Variants in PLXDC1 observed in about 807,000 individuals in gnomAD.
PLXDC1 encodes the protein plexin domain containing 1, also known as plexin domain-containing protein 1.
Under a neutral mutation model 61.3 loss-of-function variants are expected in PLXDC1, and 39 were observed. The observed-to-expected ratio is 0.64, with a 90% confidence interval of 0.49 to 0.83. The LOEUF (loss-of-function observed/expected upper bound fraction) is 0.83, where lower values mean the gene tolerates loss of function less well. Ranked by LOEUF, PLXDC1 falls within the 40% of genes least tolerant of loss-of-function variation. PLXDC1 has a pLI of 0.00. For synonymous variants in PLXDC1, 212 were observed against 254.5 expected, an observed-to-expected ratio of 0.83 and a Z score of 1.59; for missense variants, 596 against 666.5, an observed-to-expected ratio of 0.89 and a Z score of 1.17.
chr17:39,139,484 G>C (rs1259003674), intron 2 of PLXDC1, among the ~76,000 whole-genome samples, 170 bp downstream of exon 2: 1 of 152,176 alleles, frequency 6.6e-6, no homozygotes, highest in African/African-American at 2.4e-5. Context: ...TTATGACCCA[G>C]TCTGGGCCCT....
rs1163296230 is a variant in PLXDC1, at chr17:39,083,543, G to A, written c.908-3C>T. The A allele has an allele frequency of 6.2e-7, 1 of 1,609,766 alleles. No individual in the cohort carries two copies. Among genetic ancestry groups the A allele is most frequent in the Non-Finnish European group, 8.5e-7 (1 of 1,177,974 alleles). On this transcript the variant is annotated splice_polypyrimidine_tract_variant and splice_region_variant and intron_variant, in intron 8 of 13. Coordinates refer to ENST00000315392, the MANE Select transcript of PLXDC1 (RefSeq NM_020405.5). ...ACAGCTCCTATGCTGCAGGCAGGCT[G>A]CAAGAGAGAAGGCAGTGGCCGCTCA... is the stretch of plus-strand genomic sequence containing the variant.
chr17:39,086,880 A>G (rs1390299138), intron 8 of PLXDC1, among the ~76,000 whole-genome samples: 2 of 144,938 alleles, frequency 1.4e-5, no homozygotes, highest in African/African-American at 5.0e-5. Context: ...AAAAAAAAAA[A>G]GAAGAAGAAA....
In PLXDC1 at chr17:39,139,838, A is replaced by C. The variant is rs1001180152; in HGVS notation, c.77-6T>G. ...GCCTGGGCCCTCATCGTGACCTGGG[A>C]GAAGGGGACAGAAACCTGAGTGCCA... On this transcript the variant is annotated splice_polypyrimidine_tract_variant and splice_region_variant and intron_variant, in intron 1 of 13. Transcript: ENST00000315392. 2.5e-6 allele frequency: 4 copies of C among 1,591,948 alleles called. No individual in the cohort carries two copies. The highest frequency in any genetic ancestry group is 3.4e-6 in the Non-Finnish European group (4 of 1,166,532).
intron 2 of PLXDC1, among the ~76,000 whole-genome samples, chr17:39,128,113 A>ATATATATATATATATATATATATATATG (rs1597655710): frequency 1.0e-5 from 1 of 95,720 alleles, no homozygotes; most frequent in Non-Finnish European, 2.1e-5. Flanking sequence ...ATATATATAT[A>ATATATATATATATATATATATATATATG]TGTATATATA....
Position 39,063,476 on chromosome 17 carries a change from G to C in PLXDC1, c.*4364C>G. On this transcript the variant is annotated 3_prime_UTR_variant, in exon 14 of 14. Transcript: ENST00000315392. Reference sequence around the variant, plus strand: ...TTGAGGAAAGCACCTCTGATGAGCAGATAGCTGGAGGCTGTTCCCACAGTC... The same window carrying C: ...TTGAGGAAAGCACCTCTGATGAGCACATAGCTGGAGGCTGTTCCCACAGTC... 1 of 703,020 alleles carries C rather than the reference G, an allele frequency of 1.4e-6. No individual in the cohort carries two copies. The highest frequency in any genetic ancestry group is 2.6e-6 in the Non-Finnish European group (1 of 385,014). The allele number at this position is 703,020 out of a possible 1,614,324, so 43.5% of individuals were successfully genotyped here.
At position 39,151,237 on chromosome 17, in the gene PLXDC1, G is replaced by A. The variant is rs1038727801; in HGVS notation, c.76+125C>T. Reference sequence around the variant, plus strand: ...CCTGCCCACAGCCCACAGCTCTCCTGGCCTCCTGCGGACAATGCCCCCCTC... The same window carrying A: ...CCTGCCCACAGCCCACAGCTCTCCTAGCCTCCTGCGGACAATGCCCCCCTC... On this transcript the variant is annotated intron_variant, in intron 1 of 13. Transcript: ENST00000315392. The surrounding 1 kb of genome is among the most constrained non-coding windows in gnomAD (Gnocchi z 5.2). 3.5e-5 allele frequency: 23 copies of A among 665,804 alleles called. No individual in the cohort carries two copies. The African/African-American group carries it at 4.3e-4, about 12-fold the overall frequency. The allele number at this position is 665,804 out of a possible 1,614,324, so 41.2% of individuals were successfully genotyped here. A position where few individuals can be genotyped will look rare whatever the true frequency, so the allele number is the denominator to read the frequency against.
chr17:39,128,071 C>G (rs1051955463), intron 2 of PLXDC1, among the ~76,000 whole-genome samples: 2 of 27,664 alleles, frequency 7.2e-5, no homozygotes, highest in African/African-American at 2.0e-4. Flanking sequence ...CTCTCTGTCT[C>G]TCTCTCTCTC....
At chr17:39,117,225 A>C (rs1304980503) in intron 2 of PLXDC1, among the ~76,000 whole-genome samples, 1 of 152,172 alleles carries the variant, frequency 6.6e-6, no homozygotes, top group African/African-American at 2.4e-5. Context: ...CCTCTCCCCG[A>C]CCACTGAATG....
At position 39,151,355 on chromosome 17, in the gene PLXDC1, G is replaced by A. The variant is rs2045371423; in HGVS notation, c.76+7C>T. 7.8e-7 allele frequency: 1 copy of A among 1,286,432 alleles called. No individual in the cohort carries two copies. The highest frequency in any genetic ancestry group is 9.8e-7 in the Non-Finnish European group (1 of 1,017,090). 79.7% of individuals were successfully genotyped at this position (1,286,432 alleles called of 1,614,324 possible). A position where few individuals can be genotyped will look rare whatever the true frequency, so the allele number is the denominator to read the frequency against. Reference sequence around the variant, plus strand: ...GGCCCACCCGGGCCGGCTCCCGCCAGTCCTACCTGCTCCGGGCTGGGGGCT... The same window carrying A: ...GGCCCACCCGGGCCGGCTCCCGCCAATCCTACCTGCTCCGGGCTGGGGGCT... On this transcript the variant is annotated splice_region_variant and intron_variant, in intron 1 of 13. Transcript: ENST00000315392. The surrounding 1 kb of genome is among the most constrained non-coding windows in gnomAD (Gnocchi z 5.2).
At chr17:39,128,796 G>C (rs1567769917) in intron 2 of PLXDC1, among the ~76,000 whole-genome samples, 1 of 146,834 alleles carries the variant, frequency 6.8e-6, no homozygotes, top group Non-Finnish European at 1.5e-5. Flanking sequence ...AGATCACGAG[G>C]TCAGGAGATC....
At chr17:39,115,112 C>T (rs1362459066) in intron 2 of PLXDC1, among the ~76,000 whole-genome samples, 1 of 152,214 alleles carries the variant, frequency 6.6e-6, no homozygotes, top group Admixed American at 6.5e-5. Flanking sequence ...AGAAACCAGG[C>T]CCTGTGTCAC....
At chr17:39,139,901 A>G in intron 1 of PLXDC1, 69 bp from the exon 2 acceptor site, 3 of 1,466,116 alleles carry the variant, frequency 2.0e-6, no homozygotes, top group Non-Finnish European at 2.8e-6. Context: ...AATCCAGCCC[A>G]GTTATTCTGC....
At chr17:39,077,053 A>G (rs1329625296) in intron 11 of PLXDC1, among the ~76,000 whole-genome samples, 1 of 152,020 alleles carries the variant, frequency 6.6e-6, no homozygotes, top group East Asian at 1.9e-4. Context: ...TTTTTAGTGG[A>G]GACGGGGTTT....
At chr17:39,143,580 G>C (rs1029270194) in intron 1 of PLXDC1, among the ~76,000 whole-genome samples, 1 of 152,264 alleles carries the variant, frequency 6.6e-6, no homozygotes, top group Non-Finnish European at 1.5e-5. Context: ...GACAGAGGTT[G>C]AGACCAGGCT....
chr17:39,081,235 C>T (rs1285793114), intron 9 of PLXDC1: 1 of 152,616 alleles, frequency 6.6e-6, no homozygotes, highest in Admixed American at 6.5e-5. Flanking sequence ...ACGCTCTGCT[C>T]CAGGAAGAAC....
rs772059943 is a variant in PLXDC1, at chr17:39,122,116, G to C, written c.256-12725C>G. 0.014 allele frequency among the ~76,000 whole-genome samples: 2,023 copies of C among 141,738 alleles called. 152 individuals are homozygous for C. The East Asian group carries it at 0.22, about 15-fold the overall frequency. 93.0% of individuals were successfully genotyped at this position (141,738 alleles called of 152,430 possible). A position where few individuals can be genotyped will look rare whatever the true frequency, so the allele number is the denominator to read the frequency against. ...TGTCAAAAAAAAAAAAAAAAAGGGG[G>C]GGGGGACTGGGTGCAGTGACTCACG... On this transcript the variant is annotated intron_variant, in intron 2 of 13. Coordinates refer to ENST00000315392, the MANE Select transcript of PLXDC1 (RefSeq NM_020405.5).
chr17:39,087,709 CA>C lies in PLXDC1; in HGVS notation c.812-8del. On this transcript the variant is annotated splice_region_variant and splice_polypyrimidine_tract_variant and intron_variant, in intron 7 of 13. Transcript: ENST00000315392. ...ATGCTCCTTCGCCGAGATTCTGAAA[CA>C]GAGGCAGAGCCTGTTGTCAGGAGCA... 6.2e-7 allele frequency: 1 copy of C among 1,605,140 alleles called. No homozygotes were observed. The highest frequency in any genetic ancestry group is 1.1e-5 in the South Asian group (1 of 90,590).
At position 39,063,477 on chromosome 17, in the gene PLXDC1, A is replaced by AT; in HGVS notation, c.*4362dup. ...TGAGGAAAGCACCTCTGATGAGCAG[A>AT]TAGCTGGAGGCTGTTCCCACAGTCA... is the stretch of plus-strand genomic sequence containing the variant. On this transcript the variant is annotated 3_prime_UTR_variant, in exon 14 of 14. Transcript: ENST00000315392. The AT allele has an allele frequency of 1.4e-6, 1 of 703,018 alleles. No individual in the cohort carries two copies. Among genetic ancestry groups the AT allele is most frequent in the South Asian group, 1.5e-5 (1 of 67,594 alleles). The allele number at this position is 703,018 out of a possible 1,614,324, so 43.5% of individuals were successfully genotyped here. A position where few individuals can be genotyped will look rare whatever the true frequency, so the allele number is the denominator to read the frequency against.
chr17:39,083,375 C>T (rs1909630684), intron 9 of PLXDC1, 84 bp downstream of exon 9: 2 of 976,928 alleles, frequency 2.0e-6, no homozygotes, highest in Admixed American at 3.8e-5. Flanking sequence ...TGACTGTGGG[C>T]AGTGAGGCCA....
Sources: gnomAD v4.1 joint callset for allele counts (sites outside exome capture counted in the v4.1 genomes callset) on GRCh38, gnomAD v4.1.1 for gene constraint, Gnocchi (gnomAD v3.1) non-coding constraint, MANE v1.5 for transcripts, NCBI Gene and HGNC (gene_info 2026-07-23, HGNC 2026-07-21) for gene names.